Variants in NFIB observed in about 807,000 individuals in gnomAD.
The protein encoded by NFIB is nuclear factor 1 B-type.
Under a neutral mutation model 61.5 loss-of-function variants are expected in NFIB, and 11 were observed. That is an observed-to-expected ratio of 0.18 (90% CI 0.11 to 0.30). The LOEUF is 0.30. NFIB is among the 10% of genes least tolerant of loss of function. The pLI is 1.00. For synonymous variants in NFIB, 260 were observed against 216.5 expected (o/e 1.20, Z -1.76); for missense variants, 471 against 608.9 (o/e 0.77, Z 2.38).
rs146732460 is a variant in NFIB at position 14,237,395 on chromosome 9, C to T, written c.563-57615G>A. Among the ~76,000 whole-genome samples, 247 of 152,324 alleles carry T rather than the reference C, an allele frequency of 1.6e-3. 1 individual carries two copies. Among genetic ancestry groups the T allele is most frequent in the African/African-American group, 5.8e-3 (240 of 41,566 alleles). On this transcript the variant is annotated intron_variant, in intron 2 of 10. Coordinates refer to ENST00000380953, the MANE Select transcript of NFIB (RefSeq NM_001190737.2). Reference sequence around the variant, plus strand: ...TTCAGAAGATCATCAAAATCCCTAACACCCAAAAAGTGCCGAAGGCCAGCA... The same window carrying T: ...TTCAGAAGATCATCAAAATCCCTAATACCCAAAAAGTGCCGAAGGCCAGCA...
At chr9:14,237,640 TTAAA>T (rs1314696175) in intron 2 of NFIB, among the ~76,000 whole-genome samples, 2 of 152,088 alleles carry the variant, frequency 1.3e-5, no homozygotes, top group African/African-American at 4.8e-5. Context: ...CATCCAAAAG[TTAAA>T]TAACTCCCAA....
At chr9:14,200,426 T>C (rs1002663188) in intron 2 of NFIB, among the ~76,000 whole-genome samples, 6 of 152,200 alleles carry the variant, frequency 3.9e-5, no homozygotes, top group African/African-American at 1.4e-4. Flanking sequence ...ACATACTCTC[T>C]GATCACGATG....
the NFIB span, among the ~76,000 whole-genome samples, chr9:14,442,052 A>T: frequency 6.6e-6 from 1 of 152,082 alleles, no homozygotes; most frequent in Non-Finnish European, 1.5e-5. Context: ...CTTCGGTATG[A>T]TTTTCTTCAT....
Position 14,094,087 on chromosome 9 carries a change from C to G in NFIB, c.1468-5761G>C, listed in dbSNP as rs532797648. The G allele has an allele frequency of 7.2e-5, 11 of 152,112 alleles. No homozygotes were observed. The South Asian group carries it at 2.3e-3, about 32-fold the overall frequency. 9.4% of individuals were successfully genotyped at this position (152,112 alleles called of 1,614,324 possible). ...AAGCGAGGAAGTTAAGTGTCTTGCC[C>G]AACTCGTATTGCTATTAAATTGTAG... On this transcript the variant is annotated intron_variant, in intron 10 of 10. Coordinates refer to ENST00000380953, the MANE Select transcript of NFIB (RefSeq NM_001190737.2).
chr9:14,528,040 T>C, the NFIB span, among the ~76,000 whole-genome samples: 1 of 152,136 alleles, frequency 6.6e-6, no homozygotes, highest in African/African-American at 2.4e-5. Flanking sequence ...CCGTAACATA[T>C]ACTAGTTTCA....
intron 2 of NFIB, 108 bp from the exon 3 acceptor site, chr9:14,179,888 G>T: frequency 9.9e-7 from 1 of 1,010,228 alleles, no homozygotes; most frequent in Non-Finnish European, 1.4e-6. Context: ...ATGAAGTTGA[G>T]TGCTTAAATA....
At chr9:14,333,995 C>G (rs935370527) in intron 1 of NFIB, among the ~76,000 whole-genome samples, 3 of 152,192 alleles carry the variant, frequency 2.0e-5, no homozygotes, top group African/African-American at 7.2e-5. Flanking sequence ...TGAATTATTT[C>G]GTTCAGCCTT....
intron 2 of NFIB, among the ~76,000 whole-genome samples, chr9:14,189,037 A>C (rs745659057): frequency 4.1e-4 from 63 of 152,334 alleles, no homozygotes; most frequent in Non-Finnish European, 8.4e-4. Context: ...AAAGCATAGA[A>C]AAATAAGTGC....
the NFIB span, among the ~76,000 whole-genome samples, chr9:14,518,449 T>C: frequency 6.6e-6 from 1 of 151,360 alleles, no homozygotes; most frequent in Non-Finnish European, 1.5e-5. Context: ...TGCCACCCAT[T>C]ATTGAACTAA....
rs147023301 is a variant in NFIB at position 14,106,115 on chromosome 9, T to C, written c.1467+6884A>G. The stretch of plus-strand genomic sequence containing the variant: ...GTATTTTTTATTAAGAAATAGGAAA[T>C]TGCTTTTTTCTCCCAATAGTAATCA... On this transcript the variant is annotated intron_variant, in intron 10 of 10. Transcript: ENST00000380953. 9.7e-4 allele frequency among the ~76,000 whole-genome samples: 147 copies of C among 152,222 alleles called. 2 individuals carry two copies. The East Asian group carries it at 0.022, about 23-fold the overall frequency.
intron 4 of NFIB, 33 bp from the exon 5 acceptor site, chr9:14,150,298 A>C: frequency 6.2e-7 from 1 of 1,612,546 alleles, no homozygotes; most frequent in Non-Finnish European, 8.5e-7. Flanking sequence ...ACTGGGAATG[A>C]CATTCGTATT....
chr9:14,278,903 A>G (rs2058184639), intron 2 of NFIB, among the ~76,000 whole-genome samples: 3 of 152,208 alleles, frequency 2.0e-5, no homozygotes, highest in Admixed American at 6.5e-5. Flanking sequence ...TAACTTTAGG[A>G]AACTTTCACT....
At chr9:14,522,130 G>A in the NFIB span, among the ~76,000 whole-genome samples, 2 of 152,114 alleles carry the variant, frequency 1.3e-5, no homozygotes, top group Admixed American at 6.5e-5. Flanking sequence ...AATTTATGAT[G>A]GCACAACAAT....
chr9:14,412,601 T>C, the NFIB span, among the ~76,000 whole-genome samples: 2 of 152,112 alleles, frequency 1.3e-5, no homozygotes, highest in Non-Finnish European at 2.9e-5. Context: ...GTTGTAGGGC[T>C]TCCAGAAGAT....
intron 3 of NFIB, among the ~76,000 whole-genome samples, chr9:14,167,551 A>G (rs914624109): frequency 6.6e-6 from 1 of 152,032 alleles, no homozygotes; most frequent in Non-Finnish European, 1.5e-5. Flanking sequence ...AAAACAAACA[A>G]ACACATATGT....
intron 10 of NFIB, among the ~76,000 whole-genome samples, chr9:14,107,106 C>T (rs1029181014): frequency 6.6e-6 from 1 of 151,772 alleles, no homozygotes; most frequent in Non-Finnish European, 1.5e-5. Flanking sequence ...GCTCTTTTTG[C>T]GGTGGAAAAC....
intron 2 of NFIB, among the ~76,000 whole-genome samples, chr9:14,278,336 A>G (rs1588089828): frequency 2.0e-5 from 3 of 152,216 alleles, no homozygotes; most frequent in African/African-American, 7.2e-5. Context: ...TCCATTGTTA[A>G]TTGAGTCGTG....
At chr9:14,481,328 C>T in the NFIB span, among the ~76,000 whole-genome samples, 1 of 148,622 alleles carries the variant, frequency 6.7e-6, no homozygotes, top group African/African-American at 2.5e-5. Flanking sequence ...AGAGCAGCAA[C>T]TGGTTTAATA....
intron 3 of NFIB, among the ~76,000 whole-genome samples, chr9:14,174,157 T>C (rs552909567): frequency 4.2e-4 from 64 of 151,742 alleles, no homozygotes; most frequent in African/African-American, 1.5e-3. Context: ...AAGAAAAATG[T>C]TTTAAAACAA....
Sources: gnomAD v4.1 joint callset for allele counts (sites outside exome capture counted in the v4.1 genomes callset) on GRCh38, gnomAD v4.1.1 for gene constraint, MANE v1.5 for transcripts, NCBI Gene and HGNC (gene_info 2026-07-23, HGNC 2026-07-21) for gene names.